The following ANXA8 variants were observed in gnomAD, a reference collection of about 807,000 sequenced individuals.
The protein encoded by ANXA8 is annexin A8, also known as VAC-beta.
Under a neutral mutation model 26.8 loss-of-function variants are expected in ANXA8, and 9 were observed. The ratio of observed to expected loss-of-function variants is 0.34; its 90% CI spans 0.20 to 0.59. The LOEUF (loss-of-function observed/expected upper bound fraction) is 0.59, where lower values mean the gene tolerates loss of function less well. Ranked by LOEUF, ANXA8 falls within the 20% of genes least tolerant of loss-of-function variation. The pLI is 0.84. For synonymous variants in ANXA8, 39 were observed against 94.8 expected (o/e 0.41, Z 3.42); for missense variants, 83 against 238.5 (o/e 0.35, Z 4.29).
the ANXA8 span, among the ~76,000 whole-genome samples, chr10:47,535,488 T>C: frequency 2.1e-5 from 3 of 139,756 alleles, no homozygotes; most frequent in Admixed American, 7.0e-5. Context: ...TTCAATAAAA[T>C]AAAACTAATA....
chr10:47,696,661 A>C, the ANXA8 span, among the ~76,000 whole-genome samples: 17 of 147,208 alleles, frequency 1.2e-4, 1 homozygote, highest in African/African-American at 4.3e-4. Flanking sequence ...TGAAAATAGA[A>C]TTTTAAGAAA....
chr10:47,603,503 AT>A, the ANXA8 span, among the ~76,000 whole-genome samples: 12 of 146,832 alleles, frequency 8.2e-5, 1 homozygote, highest in African/African-American at 3.0e-4. Context: ...ACGTTAGCAT[AT>A]AATGTTCTTA....
At chr10:47,680,189 T>A in the ANXA8 span, among the ~76,000 whole-genome samples, 2 of 151,656 alleles carry the variant, frequency 1.3e-5, no homozygotes, top group Non-Finnish European at 2.9e-5. Context: ...GGTCTCAAAC[T>A]CCTGATCTCA....
the ANXA8 span, among the ~76,000 whole-genome samples, chr10:47,514,245 A>G: frequency 1.3e-5 from 2 of 149,738 alleles, no homozygotes; most frequent in Non-Finnish European, 2.9e-5. Flanking sequence ...TGTGATATAC[A>G]TACATATTAT....
chr10:47,469,816 A>C (rs1386124362), intron 11 of ANXA8, among the ~76,000 whole-genome samples: 3 of 151,556 alleles, frequency 2.0e-5, no homozygotes, highest in Non-Finnish European at 4.4e-5. Context: ...TTCACCATTT[A>C]GTAAAATTTG....
the ANXA8 span, among the ~76,000 whole-genome samples, chr10:47,665,702 C>G: frequency 6.6e-6 from 1 of 150,442 alleles, no homozygotes. Flanking sequence ...TGAAAGTCAT[C>G]TGACACAGTT....
chr10:47,733,142 A>AATCT, the ANXA8 span, among the ~76,000 whole-genome samples: 620 of 135,466 alleles, frequency 4.6e-3, 2 homozygotes, highest in East Asian at 0.024. Context: ...CCAACTCCCT[A>AATCT]ATCTTTCTTT....
chr10:47,951,044 A>C, the ANXA8 span, among the ~76,000 whole-genome samples: 1 of 150,476 alleles, frequency 6.6e-6, no homozygotes, highest in East Asian at 2.0e-4. Context: ...AAGATCAATA[A>C]AATTGATAAA....
chr10:47,547,375 A>G, the ANXA8 span, among the ~76,000 whole-genome samples: 25 of 140,462 alleles, frequency 1.8e-4, no homozygotes, highest in Non-Finnish European at 3.1e-4. Flanking sequence ...AAAATAAGCT[A>G]CCGTTTGTGT....
the ANXA8 span, among the ~76,000 whole-genome samples, chr10:47,704,692 T>C: frequency 6.6e-6 from 1 of 151,922 alleles, no homozygotes; most frequent in South Asian, 2.1e-4. Flanking sequence ...GCAAAGTAGC[T>C]GGATATAAGA....
the ANXA8 span, among the ~76,000 whole-genome samples, chr10:47,530,426 G>A: frequency 2.0e-5 from 3 of 149,084 alleles, no homozygotes; most frequent in Non-Finnish European, 4.4e-5. Flanking sequence ...GGTGGCTCAC[G>A]CCTGTAATCC....
At chr10:47,972,986 A>G in the ANXA8 span, 1 of 150,304 alleles carries the variant, frequency 6.7e-6, no homozygotes, top group Non-Finnish European at 1.5e-5. Flanking sequence ...TCTCATTCTC[A>G]AAGAACACTC....
At chr10:47,740,892 G>A in the ANXA8 span, among the ~76,000 whole-genome samples, 316 of 150,556 alleles carry the variant, frequency 2.1e-3, 1 homozygote, top group African/African-American at 7.1e-3. Flanking sequence ...TCAGTTTATT[G>A]GATAGGTATA....
chr10:47,655,750 G>T, the ANXA8 span, among the ~76,000 whole-genome samples: 1 of 152,018 alleles, frequency 6.6e-6, no homozygotes, highest in Admixed American at 6.5e-5. Context: ...GCCGGGCAAG[G>T]TGGCTCATGC....
chr10:47,501,623 G>C, the ANXA8 span, among the ~76,000 whole-genome samples: 1 of 140,224 alleles, frequency 7.1e-6, no homozygotes, highest in Non-Finnish European at 1.5e-5. Flanking sequence ...GCAGGAGAAT[G>C]GTGTGAATCC....
the ANXA8 span, among the ~76,000 whole-genome samples, chr10:47,640,440 ACAGT>A: frequency 1.1e-5 from 1 of 91,040 alleles, no homozygotes; most frequent in Non-Finnish European, 2.0e-5. Flanking sequence ...GCATTTGCTG[ACAGT>A]CAGGTTACTC....
chr10:47,971,058 C>A, the ANXA8 span, among the ~76,000 whole-genome samples: 2 of 151,428 alleles, frequency 1.3e-5, no homozygotes, highest in South Asian at 2.1e-4. Context: ...AAGTTACTTG[C>A]CCTCTCTGAT....
chr10:47,698,223 T>G, the ANXA8 span, among the ~76,000 whole-genome samples: 2 of 145,282 alleles, frequency 1.4e-5, no homozygotes, highest in African/African-American at 2.6e-5. Context: ...TTTGAGATAT[T>G]CAAGTGGAGA....
At chr10:47,608,107 TA>T in the ANXA8 span, among the ~76,000 whole-genome samples, 4 of 145,990 alleles carry the variant, frequency 2.7e-5, no homozygotes, top group Non-Finnish European at 5.9e-5. Flanking sequence ...AAACACTTGG[TA>T]AAAATCCATA....
Sources: gnomAD v4.1 joint callset for allele counts (sites outside exome capture counted in the v4.1 genomes callset) on GRCh38, gnomAD v4.1.1 for gene constraint, MANE v1.5 for transcripts, NCBI Gene and HGNC (gene_info 2026-07-23, HGNC 2026-07-21) for gene names.